The following F8 variants were observed in gnomAD, a reference collection of about 807,000 sequenced individuals.
F8 encodes the protein coagulation factor VIII.
F8 carries 12 observed loss-of-function variants against 140.6 expected under a neutral mutation model. The ratio of observed to expected loss-of-function variants is 0.09; its 90% CI spans 0.05 to 0.14. F8 has a LOEUF of 0.14. F8 is among the 10% of genes least tolerant of loss of function. F8 has a pLI of 1.00. For missense variants in F8, 1,354 were observed against 1,720.7 expected (o/e 0.79, Z 3.77); for synonymous variants, 585 against 614.6 (o/e 0.95, Z 0.71).
At chrX:154,873,333 T>A (rs1296413262) in intron 22 of F8, among the ~76,000 whole-genome samples, 1 of 109,458 alleles carries the variant, frequency 9.1e-6, no homozygotes, top group African/African-American at 3.3e-5. Context: ...TTTAAGTGAT[T>A]CTCCACCTCA....
chrX:154,996,887 G>C, intron 3 of F8, 86 bp downstream of exon 3: 1 of 1,028,756 alleles, frequency 9.7e-7, no homozygotes, highest in Non-Finnish European at 1.4e-6. Flanking sequence ...GACCTTAAAA[G>C]AGTTGTAACG....
rs1557278484 is a variant in F8, at chrX:154,929,596, G to T, written c.4194C>A (p.Ser1398Arg). 1 of 1,211,090 alleles carries T rather than the reference G, an allele frequency of 8.3e-7. No homozygotes were observed. The highest frequency in any genetic ancestry group is 1.8e-5 in the South Asian group (1 of 56,947). The change falls in exon 14 of 26, where the codon AGC becomes AGA. Residue 1398 changes from serine (S) to arginine (R), a missense_variant. Coordinates refer to ENST00000360256, the MANE Select transcript of F8 (RefSeq NM_000132.4). The stretch of plus-strand genomic sequence containing the variant: ...ATGGAGATCTATTTGCTTGAGGGAT[G>T]CTATGACTCCTCGTAAGGCAATCTG... ...PLSDCLTRSH[S>R]IPQANRSPLP... is the part of the protein sequence containing the mutation.
At chrX:154,940,782 A>T (rs188449103) in intron 13 of F8, among the ~76,000 whole-genome samples, 10 of 112,314 alleles carry the variant, frequency 8.9e-5, no homozygotes, top group African/African-American at 2.6e-4. Context: ...CGGGTTACCC[A>T]CAAAGGGAAG....
In F8 at chrX:154,893,674, A is replaced by G. The variant is rs146115065; in HGVS notation, c.6429+2403T>C. ...CCTACAAATCATAAATTCTCATCAG[A>G]TGGGTTTTATTTAACCTTATATGTC... is the stretch of plus-strand genomic sequence containing the variant. On this transcript the variant is annotated intron_variant, in intron 22 of 25. Coordinates refer to ENST00000360256, the MANE Select transcript of F8 (RefSeq NM_000132.4). 2.9e-3 allele frequency among the ~76,000 whole-genome samples: 321 copies of G among 111,504 alleles called. 2 individuals carry two copies. The highest frequency in any genetic ancestry group is 0.01 in the African/African-American group (313 of 30,699).
chrX:155,006,973 C>T (rs1557286102), intron 1 of F8, among the ~76,000 whole-genome samples: 1 of 77,206 alleles, frequency 1.3e-5, no homozygotes, highest in African/African-American at 5.0e-5. Context: ...TAATTCTTGC[C>T]TCCCTGCTCT....
At chrX:154,990,314 T>A (rs2073580712) in intron 4 of F8, among the ~76,000 whole-genome samples, 1 of 111,905 alleles carries the variant, frequency 8.9e-6, no homozygotes, top group African/African-American at 3.2e-5. Context: ...TTGTAATTAG[T>A]TTATTGTGAC....
chrX:154,866,402 T>A (rs1357197593), intron 22 of F8, among the ~76,000 whole-genome samples: 1 of 111,727 alleles, frequency 9.0e-6, no homozygotes, highest in Non-Finnish European at 1.9e-5. Flanking sequence ...GGACCTAAAA[T>A]GTATATACAG....
chrX:154,983,654 C>T (rs1557283945), intron 6 of F8, among the ~76,000 whole-genome samples: 1 of 112,228 alleles, frequency 8.9e-6, no homozygotes, highest in South Asian at 3.7e-4. Flanking sequence ...CAGAGCCCTG[C>T]CTGTCCCAAG....
intron 6 of F8, among the ~76,000 whole-genome samples, chrX:154,982,603 T>C (rs915522406): frequency 9.0e-6 from 1 of 111,064 alleles, no homozygotes; most frequent in Non-Finnish European, 1.9e-5. Context: ...CTTACAACCA[T>C]ACATGGCACC....
intron 25 of F8, among the ~76,000 whole-genome samples, chrX:154,843,537 G>T (rs1289385827): frequency 1.4e-4 from 16 of 112,090 alleles, no homozygotes; most frequent in Non-Finnish European, 2.6e-4. Flanking sequence ...GCATTTCTCT[G>T]ATGGCCAGTG....
chrX:154,982,308 G>C (rs1303586469), intron 6 of F8, among the ~76,000 whole-genome samples: 1 of 106,411 alleles, frequency 9.4e-6, no homozygotes, highest in Non-Finnish European at 1.9e-5. Context: ...TTAGCCAGTC[G>C]AGGTGGCGGG....
At chrX:155,021,649 A>C (rs1298531367) in intron 1 of F8, among the ~76,000 whole-genome samples, 2 of 111,856 alleles carry the variant, frequency 1.8e-5, no homozygotes, top group African/African-American at 6.5e-5. Flanking sequence ...ATTATTTTTA[A>C]AAGAGAGGAA....
chrX:154,932,298 G>A lies in F8; in HGVS notation c.2114-622C>T, dbSNP rs782222489. Among the ~76,000 whole-genome samples the A allele has an allele frequency of 8.9e-5, 10 of 112,328 alleles. No individual in the cohort carries two copies. The East Asian group carries it at 2.8e-3, about 31-fold the overall frequency. ...ACAAGGAAGGAGCATTTAGGTCTAG[G>A]ATCCAGCTAATATAAAATTCTACCA... is the stretch of plus-strand genomic sequence containing the variant. On this transcript the variant is annotated intron_variant, in intron 13 of 25. Coordinates refer to ENST00000360256, the MANE Select transcript of F8 (RefSeq NM_000132.4).
chrX:154,951,604 C>A (rs1448433232), intron 12 of F8, among the ~76,000 whole-genome samples: 1 of 111,593 alleles, frequency 9.0e-6, no homozygotes, highest in Admixed American at 9.5e-5. Context: ...CATGGTATTT[C>A]ATTGTATGAA....
chrX:154,917,235 A>G (rs987347190), intron 14 of F8, among the ~76,000 whole-genome samples: 9 of 112,085 alleles, frequency 8.0e-5, no homozygotes, highest in African/African-American at 2.9e-4. Context: ...TGATAAGAAG[A>G]ATGTATATTC....
intron 13 of F8, among the ~76,000 whole-genome samples, chrX:154,940,818 C>T (rs1223346364): frequency 6.2e-5 from 7 of 112,259 alleles, no homozygotes; most frequent in South Asian, 3.7e-4. Context: ...GCTGATCTTT[C>T]GGCAGAAACT....
chrX:154,853,053 C>G, intron 25 of F8, among the ~76,000 whole-genome samples: 1 of 110,969 alleles, frequency 9.0e-6, no homozygotes, highest in East Asian at 2.8e-4. Context: ...TAATTTTTTT[C>G]TAGTTGCTAA....
chrX:154,863,037 T>C, intron 23 of F8, 46 bp downstream of exon 23: 1 of 1,184,571 alleles, frequency 8.4e-7, no homozygotes, highest in Non-Finnish European at 1.1e-6. Context: ...TTAGTCACCC[T>C]ACCCATGGTT....
At chrX:154,861,661 AT>A (rs2072691906) in intron 24 of F8, 56 bp downstream of exon 24, 3 of 1,189,591 alleles carry the variant, frequency 2.5e-6, no homozygotes, top group South Asian at 3.5e-5. Flanking sequence ...GCCTTCCCCG[AT>A]TTTTTCCCCA....
Sources: gnomAD v4.1 joint callset for allele counts (sites outside exome capture counted in the v4.1 genomes callset) on GRCh38, gnomAD v4.1.1 for gene constraint, MANE v1.5 for transcripts, NCBI Gene and HGNC (gene_info 2026-07-23, HGNC 2026-07-21) for gene names.